The following DNAJC11 variants were observed in gnomAD, a reference collection of about 807,000 sequenced individuals.
The protein encoded by DNAJC11 is dnaJ homolog subfamily C member 11.
In DNAJC11, 15 loss-of-function variants were observed where a neutral mutation model predicts 78.6. The ratio of observed to expected loss-of-function variants is 0.19; its 90% CI spans 0.13 to 0.29. The LOEUF is 0.29. DNAJC11 is among the 10% of genes least tolerant of loss of function. The pLI is 1.00. For missense variants in DNAJC11, 547 were observed against 709.6 expected, an observed-to-expected ratio of 0.77 and a Z score of 2.60; for synonymous variants, 292 against 272.1, an observed-to-expected ratio of 1.07 and a Z score of -0.72.
chr1:6,644,472 G>C (rs1641935912), intron 10 of DNAJC11, 86 bp downstream of exon 10: 1 of 988,866 alleles, frequency 1.0e-6, no homozygotes, highest in South Asian at 1.3e-5. Flanking sequence ...ACAATGCAAA[G>C]GCTATTTCAG....
intron 4 of DNAJC11, among the ~76,000 whole-genome samples, chr1:6,663,553 C>A (rs921525291): frequency 6.6e-6 from 1 of 152,142 alleles, no homozygotes; most frequent in Admixed American, 6.6e-5. Flanking sequence ...GCAAGAAATG[C>A]GGATGGATTA....
chr1:6,636,698 G>A (rs1641780587), intron 14 of DNAJC11, among the ~76,000 whole-genome samples: 2 of 152,208 alleles, frequency 1.3e-5, no homozygotes, highest in African/African-American at 4.8e-5. Context: ...ACTGAGTGGT[G>A]AAAGAAATGA....
intron 4 of DNAJC11, chr1:6,654,290 G>A (rs577063274): frequency 1.1e-4 from 39 of 348,562 alleles, no homozygotes; most frequent in Non-Finnish European, 2.0e-4. Flanking sequence ...CCGCATGTCT[G>A]CAGAGCAATG....
intron 6 of DNAJC11, 123 bp from the exon 7 acceptor site, chr1:6,651,725 A>G: frequency 1.4e-6 from 1 of 720,046 alleles, no homozygotes; most frequent in Non-Finnish European, 2.4e-6. Context: ...CCAGGGCTCT[A>G]AAAGAAGGGG....
intron 3 of DNAJC11, among the ~76,000 whole-genome samples, chr1:6,671,635 C>T: frequency 6.6e-6 from 1 of 150,698 alleles, no homozygotes. Context: ...GGGTTCATGC[C>T]ATTCTTCTGC....
chr1:6,646,634 A>G (rs558551434), intron 7 of DNAJC11, among the ~76,000 whole-genome samples: 1 of 152,314 alleles, frequency 6.6e-6, no homozygotes, highest in East Asian at 1.9e-4. Context: ...AGGCAAAGCG[A>G]GCACAGGAAA....
intron 1 of DNAJC11, among the ~76,000 whole-genome samples, chr1:6,683,562 T>C (rs927924510): frequency 3.9e-5 from 6 of 152,252 alleles, no homozygotes; most frequent in Admixed American, 6.5e-5. Context: ...TGAGGCGTAA[T>C]TGAGATAATA....
intron 4 of DNAJC11, among the ~76,000 whole-genome samples, chr1:6,661,974 C>CAGGCTGGAGTACATCTTGA (rs1642220687): frequency 1.3e-5 from 2 of 152,122 alleles, no homozygotes; most frequent in African/African-American, 2.4e-5. Context: ...CTCTGTCACC[C>CAGGCTGGAGTACATCTTGA]AGGCTGGAGT....
At chr1:6,641,839 A>G (rs1436611252) in intron 10 of DNAJC11, among the ~76,000 whole-genome samples, 1 of 152,150 alleles carries the variant, frequency 6.6e-6, no homozygotes, top group Non-Finnish European at 1.5e-5. Flanking sequence ...AGTGCGGGTG[A>G]GAATAAAATG....
chr1:6,661,561 T>G (rs549128742), intron 4 of DNAJC11, among the ~76,000 whole-genome samples: 1 of 152,312 alleles, frequency 6.6e-6, no homozygotes, highest in South Asian at 2.1e-4. Context: ...ATTATCACAG[T>G]GCTTTCCCAG....
chr1:6,646,794 G>A (rs1641973028), intron 7 of DNAJC11, among the ~76,000 whole-genome samples: 1 of 152,040 alleles, frequency 6.6e-6, no homozygotes, highest in Non-Finnish European at 1.5e-5. Flanking sequence ...CTTTAATAAA[G>A]AGCTCCACAT....
rs1255203187 is a variant in DNAJC11, at chr1:6,651,288, C to G, written c.704+241G>C. On this transcript the variant is annotated intron_variant, in intron 7 of 15. Coordinates refer to ENST00000377577, the MANE Select transcript of DNAJC11 (RefSeq NM_018198.4). ...CCTTGTGGCATAGGTAAGGGAGGTGCGAGACCTGGATGGTGCAGCCTGGCC... is the reference window on the plus strand; with the variant it reads ...CCTTGTGGCATAGGTAAGGGAGGTGGGAGACCTGGATGGTGCAGCCTGGCC... 6 of 659,212 alleles carry G rather than the reference C, an allele frequency of 9.1e-6. No individual in the cohort carries two copies. In the South Asian group the frequency reaches 9.5e-5, roughly 10 times the overall value. 40.8% of individuals were successfully genotyped at this position (659,212 alleles called of 1,614,324 possible).
chr1:6,642,893 CG>C (rs1032208283), intron 10 of DNAJC11, among the ~76,000 whole-genome samples: 1 of 152,066 alleles, frequency 6.6e-6, no homozygotes, highest in African/African-American at 2.4e-5. Flanking sequence ...GCACTTGCAA[CG>C]TGAGTCCTCA....
intron 7 of DNAJC11, among the ~76,000 whole-genome samples, chr1:6,648,909 C>T (rs374816090): frequency 2.8e-4 from 42 of 152,300 alleles, no homozygotes; most frequent in African/African-American, 9.4e-4. Context: ...AATCCAATTA[C>T]GTAGAGCAGG....
intron 11 of DNAJC11, among the ~76,000 whole-genome samples, chr1:6,639,243 A>G (rs1273497128): frequency 6.6e-6 from 1 of 152,148 alleles, no homozygotes; most frequent in Non-Finnish European, 1.5e-5. Context: ...ATACGGATCC[A>G]GAACGCATTC....
At chr1:6,640,089 A>AG (rs1553126991) in intron 10 of DNAJC11, 32 bp from the exon 11 acceptor site, 7 of 1,512,132 alleles carry the variant, frequency 4.6e-6, no homozygotes, top group Admixed American at 2.4e-5. Flanking sequence ...AAAAAAAAAA[A>AG]GCCAAGATGA....
At chr1:6,646,351 G>A (rs530983437) in intron 7 of DNAJC11, among the ~76,000 whole-genome samples, 1 of 152,322 alleles carries the variant, frequency 6.6e-6, no homozygotes, top group African/African-American at 2.4e-5. Context: ...CAAGACAGTG[G>A]TGCTCATACT....
At chr1:6,648,985 T>C (rs754805665) in intron 7 of DNAJC11, among the ~76,000 whole-genome samples, 11 of 152,072 alleles carry the variant, frequency 7.2e-5, no homozygotes, top group Non-Finnish European at 1.2e-4. Context: ...CCCACATTCC[T>C]TCCATCTTTT....
chr1:6,654,228 A>G, intron 4 of DNAJC11, 189 bp from the exon 5 acceptor site: 1 of 548,272 alleles, frequency 1.8e-6, no homozygotes, highest in Admixed American at 3.4e-5. Context: ...CAAACTGCAG[A>G]GCACCACAGA....
Sources: gnomAD v4.1 joint callset for allele counts (sites outside exome capture counted in the v4.1 genomes callset) on GRCh38, gnomAD v4.1.1 for gene constraint, MANE v1.5 for transcripts, NCBI Gene and HGNC (gene_info 2026-07-23, HGNC 2026-07-21) for gene names.